The following SLC35A3 variants were observed in gnomAD, a reference collection of about 807,000 sequenced individuals.
The protein encoded by SLC35A3 is solute carrier family 35 member A3.
SLC35A3 carries 26 observed loss-of-function variants against 39.0 expected under a neutral mutation model. The ratio of observed to expected loss-of-function variants is 0.67; its 90% CI spans 0.49 to 0.92. The LOEUF is 0.92. Among genes scored for constraint, SLC35A3 ranks in the 40% least tolerant of loss-of-function variants. The pLI, the probability that SLC35A3 is intolerant of heterozygous loss-of-function variation, is 0.00. For synonymous variants in SLC35A3, 135 were observed against 133.1 expected (o/e 1.01, Z -0.10); for missense variants, 299 against 371.6 (o/e 0.80, Z 1.61).
rs573869294 is a variant in SLC35A3 at position 100,022,896 on chromosome 1, T to C, written c.*420T>C. On this transcript the variant is annotated 3_prime_UTR_variant, in exon 8 of 8. Transcript: ENST00000533028. ...TCAAATCACATGAAATATTTAAAGT[T>C]TGAAAATTATAATTACCTATAAAGC... 6.5e-6 allele frequency: 1 copy of C among 153,040 alleles called. No homozygotes were observed. Among genetic ancestry groups the C allele is most frequent in the East Asian group, 1.9e-4 (1 of 5,196 alleles). 9.5% of individuals were successfully genotyped at this position (153,040 alleles called of 1,614,324 possible). A position where few individuals can be genotyped will look rare whatever the true frequency, so the allele number is the denominator to read the frequency against.
intron 4 of SLC35A3, among the ~76,000 whole-genome samples, chr1:100,010,641 T>TA (rs1167288822): frequency 3.9e-5 from 6 of 152,180 alleles, no homozygotes; most frequent in African/African-American, 1.2e-4. Context: ...AATGAGCTGT[T>TA]ATCATGCACT....
intron 1 of SLC35A3, among the ~76,000 whole-genome samples, chr1:99,987,055 TC>T (rs1256342036): frequency 6.6e-6 from 1 of 152,190 alleles, no homozygotes; most frequent in Non-Finnish European, 1.5e-5. Flanking sequence ...GGAAACTTAC[TC>T]TCCTTCCATA....
chr1:100,005,462 C>T (rs1039044826), intron 3 of SLC35A3, among the ~76,000 whole-genome samples: 1 of 152,162 alleles, frequency 6.6e-6, no homozygotes, highest in African/African-American at 2.4e-5. Context: ...GTAAGTAATA[C>T]AGAGAAATTA....
intron 1 of SLC35A3, among the ~76,000 whole-genome samples, chr1:99,988,584 G>T (rs1480111850): frequency 6.6e-6 from 1 of 151,856 alleles, no homozygotes; most frequent in Non-Finnish European, 1.5e-5. Flanking sequence ...TTATGTTATT[G>T]TTTTCTTCCT....
chr1:100,030,348 AC>A lies in SLC35A3; in HGVS notation c.*7873del, dbSNP rs1661158085. 6.6e-6 allele frequency: 1 copy of A among 152,234 alleles called. No individual in the cohort carries two copies. Among genetic ancestry groups the A allele is most frequent in the Non-Finnish European group, 1.5e-5 (1 of 68,030 alleles). The allele number at this position is 152,234 out of a possible 1,614,324, so 9.4% of individuals were successfully genotyped here. The stretch of plus-strand genomic sequence containing the variant: ...ATTGTTACAGTGTTTAGTGATAATC[AC>A]TGAAAATTCACGTTAAAATATACTT... On this transcript the variant is annotated 3_prime_UTR_variant, in exon 8 of 8. Transcript: ENST00000533028.
chr1:100,026,563 T>C lies in SLC35A3; in HGVS notation c.*4087T>C. On this transcript the variant is annotated 3_prime_UTR_variant, in exon 8 of 8. Coordinates refer to ENST00000533028, the MANE Select transcript of SLC35A3 (RefSeq NM_012243.3). ...TTCAACATTAGCTCTTCAAATTCAT[T>C]AACAAAATTAAAATAGGTATATTAC... 6.6e-6 allele frequency: 1 copy of C among 152,302 alleles called. No individual in the cohort carries two copies. The highest frequency in any genetic ancestry group is 2.1e-4 in the South Asian group (1 of 4,828). The allele number at this position is 152,302 out of a possible 1,614,324, so 9.4% of individuals were successfully genotyped here.
chr1:100,012,889 C>T (rs1207576580), intron 5 of SLC35A3, among the ~76,000 whole-genome samples: 2 of 152,162 alleles, frequency 1.3e-5, no homozygotes, highest in Non-Finnish European at 2.9e-5. Context: ...AGATCATGTT[C>T]TCTCCTGAGC....
At chr1:99,970,798 C>T (rs1192270481) in intron 1 of SLC35A3, among the ~76,000 whole-genome samples, 1 of 152,142 alleles carries the variant, frequency 6.6e-6, no homozygotes, top group Non-Finnish European at 1.5e-5. Context: ...TTTTTGAAAT[C>T]AACATTCGAC....
chr1:99,971,604 G>A (rs932167290), intron 1 of SLC35A3, among the ~76,000 whole-genome samples: 6 of 152,134 alleles, frequency 3.9e-5, no homozygotes, highest in African/African-American at 1.4e-4. Flanking sequence ...ACCGCACCCG[G>A]CCCCCAATAT....
rs763178284 is a variant in SLC35A3, at chr1:100,034,052, G to C, written c.*11576G>C. Reference sequence around the variant, plus strand: ...TCCTTGACAAACATTTCCTTTTCTTGAGTTTGTCTGAATTTGTGCTTCACT... The same window carrying C: ...TCCTTGACAAACATTTCCTTTTCTTCAGTTTGTCTGAATTTGTGCTTCACT... On this transcript the variant is annotated 3_prime_UTR_variant, in exon 8 of 8. Transcript: ENST00000533028. 7 of 152,114 alleles carry C rather than the reference G, an allele frequency of 4.6e-5. No homozygotes were observed. Among genetic ancestry groups the C allele is most frequent in the Non-Finnish European group, 1.0e-4 (7 of 68,012 alleles). The allele number at this position is 152,114 out of a possible 1,614,324, so 9.4% of individuals were successfully genotyped here. A position where few individuals can be genotyped will look rare whatever the true frequency, so the allele number is the denominator to read the frequency against.
chr1:100,003,546 T>C (rs1460688937), intron 3 of SLC35A3, among the ~76,000 whole-genome samples: 1 of 152,200 alleles, frequency 6.6e-6, no homozygotes, highest in East Asian at 1.9e-4. Context: ...TATATTCTAT[T>C]CTGGAGAATG....
At chr1:100,020,263 G>A (rs186293881) in intron 7 of SLC35A3, among the ~76,000 whole-genome samples, 35 of 152,082 alleles carry the variant, frequency 2.3e-4, no homozygotes, top group Admixed American at 2.1e-3. Flanking sequence ...TGAGAAACAG[G>A]TGTTTCCTGA....
At chr1:99,997,622 A>G (rs1036291751) in intron 2 of SLC35A3, among the ~76,000 whole-genome samples, 2 of 149,524 alleles carry the variant, frequency 1.3e-5, no homozygotes, top group African/African-American at 4.9e-5. Flanking sequence ...TATTGCAGAA[A>G]TTTTTAAAGC....
rs556068764 is a variant in SLC35A3 at position 100,030,466 on chromosome 1, A to G, written c.*7990A>G. 3.3e-5 allele frequency: 5 copies of G among 152,240 alleles called. No individual in the cohort carries two copies. The highest frequency in any genetic ancestry group is 7.2e-5 in the African/African-American group (3 of 41,464). The allele number at this position is 152,240 out of a possible 1,614,324, so 9.4% of individuals were successfully genotyped here. On this transcript the variant is annotated 3_prime_UTR_variant, in exon 8 of 8. Coordinates refer to ENST00000533028, the MANE Select transcript of SLC35A3 (RefSeq NM_012243.3). ...ACAAATTTGTAAACTTTCTTAAAACAGTATGAGATTTTTTTGCAATTTTTT... is the reference window on the plus strand; with the variant it reads ...ACAAATTTGTAAACTTTCTTAAAACGGTATGAGATTTTTTTGCAATTTTTT...
Position 100,030,782 on chromosome 1 carries a change from T to C in SLC35A3, c.*8306T>C, listed in dbSNP as rs1187012533. 6.6e-6 allele frequency: 1 copy of C among 152,220 alleles called. No individual in the cohort carries two copies. Among genetic ancestry groups the C allele is most frequent in the Admixed American group, 6.5e-5 (1 of 15,278 alleles). 9.4% of individuals were successfully genotyped at this position (152,220 alleles called of 1,614,324 possible). On this transcript the variant is annotated 3_prime_UTR_variant, in exon 8 of 8. Coordinates refer to ENST00000533028, the MANE Select transcript of SLC35A3 (RefSeq NM_012243.3). ...GGCTAAAGTTTTATTTTATTCTGCTTGGATAGTAAATACAGCATTTTAAAA... is the reference window on the plus strand; with the variant it reads ...GGCTAAAGTTTTATTTTATTCTGCTCGGATAGTAAATACAGCATTTTAAAA...
At chr1:99,999,030 C>T (rs1367104955) in intron 2 of SLC35A3, among the ~76,000 whole-genome samples, 1 of 152,016 alleles carries the variant, frequency 6.6e-6, no homozygotes, top group Non-Finnish European at 1.5e-5. Flanking sequence ...TGTAGATATA[C>T]ATAAGATACA....
chr1:100,015,581 T>C, intron 6 of SLC35A3, 161 bp downstream of exon 6: 2 of 712,422 alleles, frequency 2.8e-6, no homozygotes, highest in Non-Finnish European at 4.0e-6. Flanking sequence ...GTGATCTTAA[T>C]GCTGTAATGA....
chr1:99,970,691 C>A, intron 1 of SLC35A3: 2 of 1,331,712 alleles, frequency 1.5e-6, no homozygotes, highest in Non-Finnish European at 2.1e-6. Context: ...GGGTGAGATT[C>A]TCATCAGAAC....
chr1:99,990,329 A>C (rs529676721), intron 1 of SLC35A3, among the ~76,000 whole-genome samples: 169 of 152,268 alleles, frequency 1.1e-3, no homozygotes, highest in African/African-American at 3.8e-3. Flanking sequence ...TAATCCCAGA[A>C]CTTTGGGAGA....
Sources: gnomAD v4.1 joint callset for allele counts (sites outside exome capture counted in the v4.1 genomes callset) on GRCh38, gnomAD v4.1.1 for gene constraint, MANE v1.5 for transcripts, NCBI Gene and HGNC (gene_info 2026-07-23, HGNC 2026-07-21) for gene names.